MAN2B2: variants seen among roughly 807,000 people sequenced by gnomAD.
MAN2B2 encodes the protein mannosidase alpha class 2B member 2.
Under a neutral mutation model 117.1 loss-of-function variants are expected in MAN2B2, and 106 were observed. That is an observed-to-expected ratio of 0.90 (90% confidence interval 0.77 to 1.06). The LOEUF (loss-of-function observed/expected upper bound fraction) is 1.06, where lower values mean the gene tolerates loss of function less well. Ranked by LOEUF, MAN2B2 falls within the 50% of genes least tolerant of loss-of-function variation. The pLI, the probability that MAN2B2 is intolerant of heterozygous loss-of-function variation, is 0.00. For missense variants in MAN2B2, 1,326 were observed against 1,381.4 expected, an observed-to-expected ratio of 0.96 and a Z score of 0.64; for synonymous variants, 544 against 595.1, an observed-to-expected ratio of 0.91 and a Z score of 1.25.
intron 17 of MAN2B2, 33 bp from the exon 18 acceptor site, chr4:6,619,894 C>G (rs1331437068): frequency 6.3e-7 from 1 of 1,584,250 alleles, no homozygotes; most frequent in Non-Finnish European, 8.7e-7. Flanking sequence ...GAACTTGGTG[C>G]AGCTCACTCT....
intron 18 of MAN2B2, 65 bp downstream of exon 18, chr4:6,620,109 C>A: frequency 1.5e-6 from 2 of 1,366,590 alleles, no homozygotes; most frequent in Non-Finnish European, 1.0e-6. Context: ...GCTGGTCAGA[C>A]CCGGTGCACA....
At chr4:6,597,643 AC>A (rs993583404) in intron 8 of MAN2B2, among the ~76,000 whole-genome samples, 7 of 152,104 alleles carry the variant, frequency 4.6e-5, no homozygotes, top group African/African-American at 1.7e-4. Context: ...TCCCACACCC[AC>A]CCAAGACCTA....
rs28406752 is a variant in MAN2B2, at chr4:6,593,389, C to T, written c.858+39C>T. The T allele has an allele frequency of 3.5e-3, 5,520 of 1,573,428 alleles. 190 individuals carry two copies. The African/African-American group carries it at 0.068, about 19-fold the overall frequency. On this transcript the variant is annotated intron_variant, in intron 6 of 18. Transcript: ENST00000285599. ...CCAGGTGCTGTGCCCTCAACACAGC[C>T]CAAGGAGCACTATGCAAGCCCTGGT... is the stretch of plus-strand genomic sequence containing the variant.
At chr4:6,576,939 G>A (rs1726086778) in intron 2 of MAN2B2, among the ~76,000 whole-genome samples, 1 of 152,160 alleles carries the variant, frequency 6.6e-6, no homozygotes, top group Non-Finnish European at 1.5e-5. Flanking sequence ...CTGAATTTCT[G>A]TCTATTCTTG....
At chr4:6,579,328 CCACCACCACCACCAT>C (rs1726309028) in intron 3 of MAN2B2, among the ~76,000 whole-genome samples, 13 of 85,034 alleles carry the variant, frequency 1.5e-4, no homozygotes, top group South Asian at 9.7e-4. Context: ...ATCACCACCA[CCACCACCACCACCAT>C]CACCATCACC....
intron 13 of MAN2B2, 44 bp from the exon 14 acceptor site, chr4:6,610,835 TG>T (rs1166105188): frequency 9.0e-6 from 14 of 1,562,016 alleles, no homozygotes; most frequent in Non-Finnish European, 1.1e-5. Context: ...TGACCTACCT[TG>T]CCCTTTGCCC....
Position 6,597,198 on chromosome 4 carries a change from CG to C in MAN2B2, c.1147del (p.Glu383SerfsTer49). On this transcript the variant is annotated frameshift_variant, in exon 8 of 19. Coordinates refer to ENST00000285599, the MANE Select transcript of MAN2B2 (RefSeq NM_015274.3). LOFTEE classifies it high-confidence loss of function. Reference protein sequence around the residue: ...ARRASALLYAGESMFTRYLWP... With the variant: ...ARRASALLYAXESMFTRYLWP... ...GGCGAGCCAGCGCCTTGTTGTATGCCGGGGAGTCCATGTTCACACGCTACCT... is the reference window on the plus strand; with the variant it reads ...GGCGAGCCAGCGCCTTGTTGTATGCCGGGAGTCCATGTTCACACGCTACCT... 1 of 1,612,212 alleles carries C rather than the reference CG, an allele frequency of 6.2e-7. No homozygotes were observed. The highest frequency in any genetic ancestry group is 8.5e-7 in the Non-Finnish European group (1 of 1,179,484).
rs752178287 is a variant in MAN2B2, at chr4:6,597,220, T to C, written c.1165T>C (p.Tyr389His). ...LYAGESMFTR[Y>H]LWPAPRGHLD... ...TGCCGGGGAGTCCATGTTCACACGC[T>C]ACCTGTGGCCGGCCCCCCGTGGGCA... Residue 389 changes from tyrosine (Y) to histidine (H), a missense_variant, in exon 8 of 19, where the codon TAC becomes CAC. Tyr to His is a moderately conservative substitution (Grantham distance 83). Transcript: ENST00000285599. The C allele has an allele frequency of 1.2e-5, 20 of 1,608,616 alleles. No homozygotes were observed. In the East Asian group the frequency reaches 3.8e-4, roughly 31 times the overall value.
Position 6,622,069 on chromosome 4 carries a change from A to G in MAN2B2, c.*784A>G, listed in dbSNP as rs1712200745. ...CCAAATGTCCATCCACAGATGAATT[A>G]AGACATGAAGTGTGTTCTGTCCATA... On this transcript the variant is annotated 3_prime_UTR_variant, in exon 19 of 19. Transcript: ENST00000285599. 1 of 152,276 alleles carries G rather than the reference A, an allele frequency of 6.6e-6. No individual in the cohort carries two copies. Among genetic ancestry groups the G allele is most frequent in the Admixed American group, 6.5e-5 (1 of 15,294 alleles). The allele number at this position is 152,276 out of a possible 1,614,324, so 9.4% of individuals were successfully genotyped here.
chr4:6,610,082 C>A, intron 13 of MAN2B2, 32 bp downstream of exon 13: 1 of 1,611,034 alleles, frequency 6.2e-7, no homozygotes, highest in Non-Finnish European at 8.5e-7. Flanking sequence ...AGGCACGCTC[C>A]CAATGGCGCC....
intron 7 of MAN2B2, among the ~76,000 whole-genome samples, chr4:6,596,189 G>A (rs558229855): frequency 1.5e-4 from 21 of 144,794 alleles, no homozygotes; most frequent in African/African-American, 5.2e-4. Flanking sequence ...TGGGCGTGGC[G>A]TCCAGGTGGG....
chr4:6,611,989 T>C (rs78075715), intron 15 of MAN2B2, among the ~76,000 whole-genome samples: 2,567 of 152,346 alleles, frequency 0.017, 67 homozygotes, highest in African/African-American at 0.058. Flanking sequence ...AATGATTACA[T>C]TTAAAGATGG....
At chr4:6,619,320 G>C (rs910082755) in intron 17 of MAN2B2, 1 of 152,226 alleles carries the variant, frequency 6.6e-6, no homozygotes, top group African/African-American at 2.4e-5. Flanking sequence ...GCTTGTTTGC[G>C]GTCACAAGAT....
intron 4 of MAN2B2, among the ~76,000 whole-genome samples, chr4:6,588,286 T>C (rs1485652541): frequency 6.6e-6 from 1 of 152,188 alleles, no homozygotes; most frequent in Non-Finnish European, 1.5e-5. Flanking sequence ...GGCTTGTGGA[T>C]GCCCCGCTTC....
At chr4:6,583,805 T>C (rs1373776844) in intron 3 of MAN2B2, among the ~76,000 whole-genome samples, 1 of 152,220 alleles carries the variant, frequency 6.6e-6, no homozygotes, top group Non-Finnish European at 1.5e-5. Flanking sequence ...TAGGACTTTA[T>C]AGGCTGGTCC....
At chr4:6,608,637 T>G (rs1380312969) in intron 11 of MAN2B2, among the ~76,000 whole-genome samples, 1 of 152,172 alleles carries the variant, frequency 6.6e-6, no homozygotes, top group East Asian at 1.9e-4. Context: ...CTCGGATGCC[T>G]CGGGAGTGGG....
chr4:6,613,807 G>A (rs192724782), intron 15 of MAN2B2, among the ~76,000 whole-genome samples: 90 of 135,990 alleles, frequency 6.6e-4, no homozygotes, highest in Admixed American at 5.7e-3. Context: ...AAGGAAGAGG[G>A]AGGAGGAAGG....
intron 9 of MAN2B2, among the ~76,000 whole-genome samples, chr4:6,599,725 T>C (rs1158746983): frequency 6.6e-6 from 1 of 150,946 alleles, no homozygotes; most frequent in Non-Finnish European, 1.5e-5. Context: ...CTGGCTGCCT[T>C]GTACTTCTTG....
intron 15 of MAN2B2, 84 bp downstream of exon 15, chr4:6,611,362 C>A: frequency 7.2e-7 from 1 of 1,393,786 alleles, no homozygotes; most frequent in Non-Finnish European, 9.6e-7. Flanking sequence ...GGCCTGTGCC[C>A]TCATGACTCT....
Sources: allele counts gnomAD v4.1 joint callset (sites outside exome capture counted in the v4.1 genomes callset), GRCh38; gene constraint gnomAD v4.1.1; transcripts MANE v1.5; gene names NCBI Gene and HGNC (gene_info 2026-07-23, HGNC 2026-07-21).